Variants in WLS observed in about 807,000 individuals in gnomAD.
WLS encodes protein wntless homolog.
In WLS, 23 loss-of-function variants were observed where a neutral mutation model predicts 62.8. The observed-to-expected ratio is 0.37, with a 90% CI of 0.26 to 0.52. The LOEUF is 0.52. Ranked by LOEUF, WLS falls within the 20% of genes least tolerant of loss-of-function variation. The probability of loss-of-function intolerance (pLI) is 0.92; values close to 1 mark genes in which losing one functional copy is unlikely to be tolerated. For synonymous variants in WLS, 246 were observed against 244.1 expected, an observed-to-expected ratio of 1.01 and a Z score of -0.07; for missense variants, 615 against 697.3, an observed-to-expected ratio of 0.88 and a Z score of 1.33.
At chr1:68,148,475 T>G (rs1646781570) in intron 7 of WLS, 88 bp downstream of exon 7, 2 of 1,388,832 alleles carry the variant, frequency 1.4e-6, no homozygotes, top group Non-Finnish European at 1.0e-6. Context: ...CCGACCACCA[T>G]TCTCCTTTTC....
chr1:68,187,189 C>CTAAAAAAAAAAAAAAAAA (rs1648006165), intron 2 of WLS, among the ~76,000 whole-genome samples: 1 of 57,196 alleles, frequency 1.7e-5, no homozygotes, highest in African/African-American at 7.5e-5. Flanking sequence ...ACTCCATCTC[C>CTAAAAAAAAAAAAAAAAA]AAAAAAAAAA....
intron 1 of WLS, among the ~76,000 whole-genome samples, chr1:68,194,996 T>C (rs1354533266): frequency 6.6e-6 from 1 of 152,174 alleles, no homozygotes; most frequent in Non-Finnish European, 1.5e-5. Context: ...CAAAACAACA[T>C]TTACCCAAAA....
At chr1:68,162,515 A>G (rs1808598) in intron 2 of WLS, 321,411 of 1,612,718 alleles carry the variant, frequency 0.2, 33,856 homozygotes, top group East Asian at 0.38. Flanking sequence ...GCAACCGCCT[A>G]CCCCCTGCGA....
chr1:68,118,875 C>CAAAAAAAAAAAAAAAAAAAAAAAAA lies in WLS; in HGVS notation c.1510+18880_1510+18904dup, dbSNP rs33982774. 2.7e-4 allele frequency among the ~76,000 whole-genome samples: 7 copies of CAAAAAAAAAAAAAAAAAAAAAAAAA among 26,390 alleles called. 1 individual carries two copies. The highest frequency in any genetic ancestry group is 3.5e-4 in the Non-Finnish European group (5 of 14,370). 17.3% of individuals were successfully genotyped at this position (26,390 alleles called of 152,430 possible). On this transcript the variant is annotated intron_variant, in intron 11 of 11. Coordinates refer to the WLS transcript ENST00000354777. ...CTGGGTGACGAGCAAGACTCTGTCT[C>CAAAAAAAAAAAAAAAAAAAAAAAAA]AAAAAAAAAAAAAAAAAAAAAAAAA... is the stretch of plus-strand genomic sequence containing the variant.
chr1:68,217,190 C>T (rs746617786), intron 1 of WLS, among the ~76,000 whole-genome samples: 4 of 152,152 alleles, frequency 2.6e-5, no homozygotes, highest in Non-Finnish European at 5.9e-5. Context: ...TAACTACTGA[C>T]CCTTACTCTC....
intron 1 of WLS, among the ~76,000 whole-genome samples, chr1:68,229,876 T>G (rs1176455379): frequency 3.3e-5 from 5 of 152,182 alleles, no homozygotes; most frequent in African/African-American, 1.2e-4. Flanking sequence ...CATAGATATT[T>G]TTCAAGGAAA....
intron 10 of WLS, chr1:68,141,910 A>C (rs1333005122): frequency 2.0e-5 from 3 of 152,184 alleles, no homozygotes; most frequent in Non-Finnish European, 4.4e-5. Context: ...GAATGTGAGG[A>C]GCTAATGGAA....
At chr1:68,208,131 T>C (rs1229296642) in intron 1 of WLS, among the ~76,000 whole-genome samples, 1 of 152,252 alleles carries the variant, frequency 6.6e-6, no homozygotes, top group African/African-American at 2.4e-5. Context: ...CCCAGGCATA[T>C]CTTAAGCAGC....
intron 2 of WLS, among the ~76,000 whole-genome samples, chr1:68,170,160 C>CTTTTTTTCTTTTGTTT (rs1553131191): frequency 1.2e-5 from 1 of 86,752 alleles, no homozygotes; most frequent in African/African-American, 4.3e-5. Context: ...GCTACTATTT[C>CTTTTTTTCTTTTGTTT]TTTTTTTTTT....
At chr1:68,134,446 T>C (rs1646576054) in intron 11 of WLS, among the ~76,000 whole-genome samples, 1 of 152,174 alleles carries the variant, frequency 6.6e-6, no homozygotes, top group African/African-American at 2.4e-5. Flanking sequence ...AACTGCTAAA[T>C]CTTATGACTT....
chr1:68,171,570 C>T (rs1392369351), intron 2 of WLS, among the ~76,000 whole-genome samples: 1 of 152,226 alleles, frequency 6.6e-6, no homozygotes, highest in Non-Finnish European at 1.5e-5. Flanking sequence ...AAAAGCTCAT[C>T]ATCACTGGTC....
At chr1:68,190,629 T>A (rs1165166920) in intron 2 of WLS, among the ~76,000 whole-genome samples, 1 of 152,058 alleles carries the variant, frequency 6.6e-6, no homozygotes, top group East Asian at 1.9e-4. Flanking sequence ...TGGAAGCAGA[T>A]CCCCCTTCCC....
chr1:68,157,524 C>T (rs1282174373), intron 3 of WLS, among the ~76,000 whole-genome samples: 1 of 152,064 alleles, frequency 6.6e-6, no homozygotes, highest in East Asian at 1.9e-4. Flanking sequence ...CAGTTCTCCC[C>T]CAACTCCAGC....
At chr1:68,123,969 G>C (rs769305723), downstream of WLS, among the ~76,000 whole-genome samples, 1 of 125,738 alleles carries the variant, frequency 8.0e-6, no homozygotes, top group Non-Finnish European at 1.8e-5. Flanking sequence ...GCTTGCTAGA[G>C]TTGGCTCCTA....
At position 68,137,824 on chromosome 1, in the gene WLS, A is replaced by G; in HGVS notation, c.1472T>C (p.Leu491Ser). 6.2e-7 allele frequency: 1 copy of G among 1,614,022 alleles called. No individual in the cohort carries two copies. Among genetic ancestry groups the G allele is most frequent in the East Asian group, 2.2e-5 (1 of 44,876 alleles). The change falls in exon 11 of 12, where the codon TTG becomes TCG. Residue 491 changes from leucine to serine, a missense_variant. Coordinates refer to ENST00000262348, the MANE Select transcript of WLS (RefSeq NM_024911.7). ...WNLYVFALMF[L>S]YAPSHKNYGE... Reference sequence around the variant, plus strand: ...ATAGTTTTTATGGGATGGTGCATACAAGAACATCAGAGCAAAGACATACAG... The same window carrying G: ...ATAGTTTTTATGGGATGGTGCATACGAGAACATCAGAGCAAAGACATACAG...
chr1:68,176,247 G>A (rs76962711), intron 2 of WLS: 8,029 of 152,150 alleles, frequency 0.053, 233 homozygotes, highest in African/African-American at 0.065. Context: ...CCTAGATTCC[G>A]AGTCACCCAG....
intron 2 of WLS, chr1:68,163,027 G>A (rs1570926806): frequency 6.3e-7 from 1 of 1,590,184 alleles, no homozygotes; most frequent in Non-Finnish European, 8.6e-7. Flanking sequence ...ATCTGGGGGC[G>A]GATACCTTCA....
chr1:68,228,829 C>CAG (rs1650272925), intron 1 of WLS, among the ~76,000 whole-genome samples: 1 of 81,588 alleles, frequency 1.2e-5, no homozygotes, highest in Non-Finnish European at 2.2e-5. Context: ...GTTTAGCTTA[C>CAG]AGACACTGGT....
At chr1:68,145,752 T>C in intron 9 of WLS, 117 bp downstream of exon 9, 1 of 1,487,462 alleles carries the variant, frequency 6.7e-7, no homozygotes, top group Non-Finnish European at 9.0e-7. Flanking sequence ...TACATGAGAA[T>C]CTCTCAATTT....
Sources: gnomAD v4.1 joint callset for allele counts (sites outside exome capture counted in the v4.1 genomes callset) on GRCh38, gnomAD v4.1.1 for gene constraint, MANE v1.5 for transcripts, NCBI Gene and HGNC (gene_info 2026-07-23, HGNC 2026-07-21) for gene names.